AGAP1: variants seen among roughly 807,000 people sequenced by gnomAD.
AGAP1 encodes arf-GAP with GTPase, ANK repeat and PH domain-containing protein 1.
Under a neutral mutation model 105.3 loss-of-function variants are expected in AGAP1, and 29 were observed. That is an observed-to-expected ratio of 0.28 (90% CI 0.21 to 0.38). AGAP1 has a LOEUF of 0.38. AGAP1 is among the 10% of genes least tolerant of loss of function. The probability of loss-of-function intolerance (pLI) is 1.00; values close to 1 mark genes in which losing one functional copy is unlikely to be tolerated. For synonymous variants in AGAP1, 509 were observed against 485.9 expected (o/e 1.05, Z -0.63); for missense variants, 998 against 1,165.1 (o/e 0.86, Z 2.09).
At chr2:236,013,809 G>T (rs999719044) in intron 13 of AGAP1, among the ~76,000 whole-genome samples, 8 of 152,220 alleles carry the variant, frequency 5.3e-5, no homozygotes, top group African/African-American at 1.9e-4. Context: ...ACCTGGGGCT[G>T]TGCCTTTGCT....
At position 236,005,516 on chromosome 2, in the gene AGAP1, T is replaced by G. The variant is rs2056293441; in HGVS notation, c.1646-31045T>G. ...TCATGAGTCAATATTGATATGTTTT[T>G]ATTAAAGTCCACACTTTATTTGCAT... On this transcript the variant is annotated intron_variant, in intron 13 of 17. Coordinates refer to ENST00000304032, the MANE Select transcript of AGAP1 (RefSeq NM_001037131.3). This position sits in a 1 kb window ranked among gnomAD's most constrained non-coding sequence, Gnocchi z 4.1. 6.6e-6 allele frequency among the ~76,000 whole-genome samples: 1 copy of G among 152,220 alleles called. No individual in the cohort carries two copies. The highest frequency in any genetic ancestry group is 1.5e-5 in the Non-Finnish European group (1 of 68,040).
rs577769093 is a variant in AGAP1 at position 235,518,880 on chromosome 2, C to T, written c.163+24031C>T. Among the ~76,000 whole-genome samples, 21 of 152,334 alleles carry T rather than the reference C, an allele frequency of 1.4e-4. No homozygotes were observed. In the South Asian group the frequency reaches 3.7e-3, roughly 27 times the overall value. On this transcript the variant is annotated intron_variant, in intron 1 of 17. Coordinates refer to ENST00000304032, the MANE Select transcript of AGAP1 (RefSeq NM_001037131.3). ...GGGTGCACTTCGTGAATGCCCGCTG[C>T]TCCTGCAGCGGAAGAGTCTCCTGTC...
At chr2:235,779,643 C>T (rs1308667695) in intron 6 of AGAP1, among the ~76,000 whole-genome samples, 1 of 152,184 alleles carries the variant, frequency 6.6e-6, no homozygotes, top group Non-Finnish European at 1.5e-5. Context: ...GCCCTTGGGG[C>T]TGAGGCTCAG....
intron 1 of AGAP1, among the ~76,000 whole-genome samples, chr2:235,512,549 G>T (rs564272103): frequency 7.2e-5 from 11 of 152,280 alleles, no homozygotes; most frequent in Admixed American, 7.2e-4. Context: ...AGCCATGATT[G>T]CACCACTACC....
rs899142286 is a variant in AGAP1 at position 236,050,962 on chromosome 2, T to G, written c.2114+1681T>G. On this transcript the variant is annotated intron_variant, in intron 16 of 17. Coordinates refer to ENST00000304032, the MANE Select transcript of AGAP1 (RefSeq NM_001037131.3). The surrounding 1 kb of genome is among the most constrained non-coding windows in gnomAD (Gnocchi z 4.0). ...TAATTTGCATCCTTGAATTAAGTTCTTGAGTGCAGAGCCCTGTCTTTTTTC... is the reference window on the plus strand; with the variant it reads ...TAATTTGCATCCTTGAATTAAGTTCGTGAGTGCAGAGCCCTGTCTTTTTTC... 6.6e-6 allele frequency among the ~76,000 whole-genome samples: 1 copy of G among 152,256 alleles called. No individual in the cohort carries two copies. Among genetic ancestry groups the G allele is most frequent in the Admixed American group, 6.5e-5 (1 of 15,290 alleles).
At chr2:235,852,637 C>T (rs2048521122) in intron 9 of AGAP1, 1 of 1,390,810 alleles carries the variant, frequency 7.2e-7, no homozygotes, top group Non-Finnish European at 9.4e-7. Context: ...TAACCCTCAT[C>T]AGATAAAGCA....
intron 10 of AGAP1, among the ~76,000 whole-genome samples, chr2:235,890,549 C>T (rs1351350868): frequency 1.3e-5 from 2 of 152,178 alleles, no homozygotes; most frequent in African/African-American, 2.4e-5. Context: ...TCATTGCTTC[C>T]CTCACAGAGT....
intron 1 of AGAP1, among the ~76,000 whole-genome samples, chr2:235,617,515 A>C (rs1344145872): frequency 2.0e-5 from 3 of 152,166 alleles, no homozygotes; most frequent in African/African-American, 7.2e-5. Flanking sequence ...TAGCCTGGCC[A>C]ACATGGTGAA....
Position 235,574,499 on chromosome 2 carries a change from G to C in AGAP1, c.163+79650G>C, listed in dbSNP as rs956020931. 2.6e-5 allele frequency among the ~76,000 whole-genome samples: 4 copies of C among 152,170 alleles called. No homozygotes were observed. Among genetic ancestry groups the C allele is most frequent in the African/African-American group, 9.7e-5 (4 of 41,446 alleles). ...TGGCAGTGTAGTTTCTCTTTTAATA[G>C]CTGTGATCAGATTATACCTTTAAAT... On this transcript the variant is annotated intron_variant, in intron 1 of 17. Coordinates refer to ENST00000304032, the MANE Select transcript of AGAP1 (RefSeq NM_001037131.3). This position sits in a 1 kb window ranked among gnomAD's most constrained non-coding sequence, Gnocchi z 5.0.
intron 1 of AGAP1, among the ~76,000 whole-genome samples, chr2:235,634,321 TAAAC>T (rs1250414575): frequency 6.6e-5 from 10 of 152,358 alleles, no homozygotes; most frequent in Non-Finnish European, 1.3e-4. Flanking sequence ...TTTGGAGTCT[TAAAC>T]ACAGCAGCAG....
rs1211578432 is a variant in AGAP1, at chr2:236,058,613, T to C, written c.2114+9332T>C. On this transcript the variant is annotated intron_variant, in intron 16 of 17. Coordinates refer to ENST00000304032, the MANE Select transcript of AGAP1 (RefSeq NM_001037131.3). The surrounding 1 kb of genome is among the most constrained non-coding windows in gnomAD (Gnocchi z 4.6). ...AGGACATCTCTAAAAAACCCACAGC[T>C]AACATTGTACTTTATGGTGAAATAC... is the stretch of plus-strand genomic sequence containing the variant. Among the ~76,000 whole-genome samples the C allele has an allele frequency of 6.6e-6, 1 of 152,188 alleles. No homozygotes were observed. The highest frequency in any genetic ancestry group is 1.5e-5 in the Non-Finnish European group (1 of 68,034).
chr2:235,860,746 C>T (rs952717819), intron 9 of AGAP1, among the ~76,000 whole-genome samples: 20 of 152,164 alleles, frequency 1.3e-4, no homozygotes, highest in African/African-American at 4.6e-4. Flanking sequence ...TTCTGCTATT[C>T]AGCCGTTCTT....
At chr2:235,554,488 C>T (rs1477596232) in intron 1 of AGAP1, among the ~76,000 whole-genome samples, 1 of 152,188 alleles carries the variant, frequency 6.6e-6, no homozygotes, top group Non-Finnish European at 1.5e-5. Flanking sequence ...TCAGAAGCCC[C>T]TGCTGCATGT....
intron 9 of AGAP1, among the ~76,000 whole-genome samples, chr2:235,815,821 C>A (rs964175206): frequency 6.6e-6 from 1 of 152,190 alleles, no homozygotes; most frequent in African/African-American, 2.4e-5. Context: ...GTTGCTGGAA[C>A]GAATCCTTAT....
rs1341782225 is a variant in AGAP1, at chr2:235,976,797, A to G, written c.1645+8174A>G. Among the ~76,000 whole-genome samples the G allele has an allele frequency of 1.3e-5, 2 of 152,146 alleles. No individual in the cohort carries two copies. The highest frequency in any genetic ancestry group is 2.9e-5 in the Non-Finnish European group (2 of 68,028). Reference sequence around the variant, plus strand: ...GGAGGTTCCCCAAAGGGGAGTAGACACTCACACACGTTGTATAGACAACGA... The same window carrying G: ...GGAGGTTCCCCAAAGGGGAGTAGACGCTCACACACGTTGTATAGACAACGA... On this transcript the variant is annotated intron_variant, in intron 13 of 17. Transcript: ENST00000304032. This position sits in a 1 kb window ranked among gnomAD's most constrained non-coding sequence, Gnocchi z 4.5.
rs1264780018 is a variant in AGAP1, at chr2:236,001,668, C to T, written c.1645+33045C>T. Among the ~76,000 whole-genome samples, 1 of 152,096 alleles carries T rather than the reference C, an allele frequency of 6.6e-6. No homozygotes were observed. The highest frequency in any genetic ancestry group is 1.5e-5 in the Non-Finnish European group (1 of 68,024). Reference sequence around the variant, plus strand: ...GGCCGAGAGCGGTAGAACGTCACATCCTGGAGGGGCGGGGATTTCCCCTTT... The same window carrying T: ...GGCCGAGAGCGGTAGAACGTCACATTCTGGAGGGGCGGGGATTTCCCCTTT... On this transcript the variant is annotated intron_variant, in intron 13 of 17. Coordinates refer to ENST00000304032, the MANE Select transcript of AGAP1 (RefSeq NM_001037131.3). The surrounding 1 kb of genome is among the most constrained non-coding windows in gnomAD (Gnocchi z 4.7).
chr2:235,748,885 A>G (rs1231302403), intron 5 of AGAP1, among the ~76,000 whole-genome samples: 1 of 152,228 alleles, frequency 6.6e-6, no homozygotes, highest in Non-Finnish European at 1.5e-5. Context: ...AAGAGCCTTC[A>G]AGCCCTATGA....
chr2:235,656,723 T>A (rs1031957642), intron 1 of AGAP1, among the ~76,000 whole-genome samples: 1 of 152,206 alleles, frequency 6.6e-6, no homozygotes, highest in Non-Finnish European at 1.5e-5. Context: ...GCGCTCACCA[T>A]TGCTCCATCT....
At chr2:235,923,969 A>G (rs972893806) in intron 11 of AGAP1, among the ~76,000 whole-genome samples, 3 of 151,490 alleles carry the variant, frequency 2.0e-5, no homozygotes, top group Admixed American at 6.6e-5. Flanking sequence ...GTCCTGGGAC[A>G]GCCCCGAGCT....
Sources: allele counts gnomAD v4.1 joint callset (sites outside exome capture counted in the v4.1 genomes callset), GRCh38; gene constraint gnomAD v4.1.1; non-coding constraint Gnocchi (gnomAD v3.1); transcripts MANE v1.5; gene names NCBI Gene and HGNC (gene_info 2026-07-23, HGNC 2026-07-21).